TACC1: variants seen among roughly 807,000 people sequenced by gnomAD.
TACC1 encodes transforming acidic coiled-coil-containing protein 1.
Under a neutral mutation model 84.4 loss-of-function variants are expected in TACC1, and 48 were observed. The observed-to-expected ratio is 0.57, with a 90% CI of 0.45 to 0.72. The LOEUF is 0.72. Ranked by LOEUF, TACC1 falls within the 30% of genes least tolerant of loss-of-function variation. The pLI, the probability that TACC1 is intolerant of heterozygous loss-of-function variation, is 0.00. For synonymous variants in TACC1, 372 were observed against 376.3 expected (o/e 0.99, Z 0.13); for missense variants, 920 against 973.0 (o/e 0.95, Z 0.72).
rs1817873338 is a variant in TACC1, at chr8:38,788,562, G to A, written c.162-142G>A. The A allele has an allele frequency of 1.1e-5, 7 of 624,778 alleles. No homozygotes were observed. In the East Asian group the frequency reaches 1.7e-4, roughly 16 times the overall value. 38.7% of individuals were successfully genotyped at this position (624,778 alleles called of 1,614,324 possible). A position where few individuals can be genotyped will look rare whatever the true frequency, so the allele number is the denominator to read the frequency against. ...TGCTCAGAGACCGCAGTTGCCTCCCGCAGGTCAGACCCTGCTGAGGACCGG... is the reference window on the plus strand; with the variant it reads ...TGCTCAGAGACCGCAGTTGCCTCCCACAGGTCAGACCCTGCTGAGGACCGG... On this transcript the variant is annotated intron_variant, in intron 1 of 12. Transcript: ENST00000317827.
At chr8:38,790,964 C>A (rs554447390) in intron 2 of TACC1, among the ~76,000 whole-genome samples, 4 of 152,122 alleles carry the variant, frequency 2.6e-5, no homozygotes, top group African/African-American at 9.7e-5. Context: ...CCTTTTCTTC[C>A]GTAAAGATTG....
chr8:38,797,813 C>G (rs1388827235), intron 2 of TACC1, among the ~76,000 whole-genome samples: 1 of 152,216 alleles, frequency 6.6e-6, no homozygotes, highest in Admixed American at 6.5e-5. Flanking sequence ...CGTGCTCTTT[C>G]CCCCCTTGCT....
At chr8:38,832,369 G>A (rs1008801132) in intron 6 of TACC1, among the ~76,000 whole-genome samples, 2 of 152,216 alleles carry the variant, frequency 1.3e-5, no homozygotes, top group African/African-American at 4.8e-5. Context: ...GGCAAACACT[G>A]TCTCTGAAGC....
intron 7 of TACC1, among the ~76,000 whole-genome samples, chr8:38,836,616 A>G (rs1322265761): frequency 1.3e-5 from 2 of 152,208 alleles, no homozygotes; most frequent in African/African-American, 4.8e-5. Context: ...TACAGAGGAT[A>G]TATGCTAATG....
chr8:38,782,370 AT>A (rs1326012974), upstream of TACC1, among the ~76,000 whole-genome samples: 1 of 152,104 alleles, frequency 6.6e-6, no homozygotes, highest in Non-Finnish European at 1.5e-5. Context: ...TTATGGCTGC[AT>A]AGTATTCCAT....
chr8:38,786,376 C>T (rs949432749), upstream of TACC1, among the ~76,000 whole-genome samples: 11 of 152,096 alleles, frequency 7.2e-5, no homozygotes, highest in Admixed American at 7.2e-4. Flanking sequence ...AGTCAGAAAT[C>T]AAAGACTTAG....
At chr8:38,808,793 A>G (rs1021018322) in intron 2 of TACC1, among the ~76,000 whole-genome samples, 1 of 152,120 alleles carries the variant, frequency 6.6e-6, no homozygotes, top group African/African-American at 2.4e-5. Flanking sequence ...TGCAAATAGA[A>G]TCTTACCCAA....
Position 38,787,612 on chromosome 8 carries a change from C to T in TACC1, c.30C>T (p.Ser10=), listed in dbSNP as rs1160851576. MAFSPWQIL[S]PVQWAKWTWS... ...CGTTCAGCCCGTGGCAGATCCTGTC[C>T]CCCGTGCAGTGGGCGAAATGGACGT... Residue 10 remains serine (S), a synonymous_variant, in exon 1 of 13, where the codon TCC becomes TCT. Coordinates refer to ENST00000317827, the MANE Select transcript of TACC1 (RefSeq NM_006283.3). 2 of 1,545,646 alleles carry T rather than the reference C, an allele frequency of 1.3e-6. No homozygotes were observed. The highest frequency in any genetic ancestry group is 1.7e-6 in the Non-Finnish European group (2 of 1,144,360).
At chr8:38,829,755 G>A (rs1471796470) in intron 5 of TACC1, among the ~76,000 whole-genome samples, 2 of 152,168 alleles carry the variant, frequency 1.3e-5, no homozygotes, top group Non-Finnish European at 2.9e-5. Context: ...ATACAGTGCT[G>A]TCTTCAAAGT....
At chr8:38,753,400 A>G (rs1809393776) in intron 3 of TACC1, among the ~76,000 whole-genome samples, 1 of 152,160 alleles carries the variant, frequency 6.6e-6, no homozygotes. Context: ...CACCATGTCC[A>G]GCCTTTTGTT....
intron 3 of TACC1, among the ~76,000 whole-genome samples, chr8:38,781,384 CT>C (rs34962713): frequency 0.22 from 31,146 of 141,768 alleles, 3,523 homozygotes; most frequent in Non-Finnish European, 0.28. Context: ...AAATATTCTT[CT>C]TTTTTTTTTT....
intron 3 of TACC1, among the ~76,000 whole-genome samples, chr8:38,770,902 C>T (rs1813482878): frequency 6.6e-6 from 1 of 152,038 alleles, no homozygotes; most frequent in African/African-American, 2.4e-5. Context: ...CCAGGAGCCG[C>T]GGAACCAGGC....
chr8:38,755,753 AG>A (rs889325164), intron 3 of TACC1, among the ~76,000 whole-genome samples: 1 of 82,710 alleles, frequency 1.2e-5, no homozygotes, highest in Admixed American at 1.0e-4. Context: ...CAACAACAAC[AG>A]AGTGTTCCTG....
chr8:38,823,254 A>T (rs1827273996), intron 3 of TACC1, among the ~76,000 whole-genome samples: 1 of 152,216 alleles, frequency 6.6e-6, no homozygotes, highest in Non-Finnish European at 1.5e-5. Flanking sequence ...GTAGCTCTCG[A>T]TCTGTTCTTT....
In TACC1 at chr8:38,830,368, G is replaced by A. The variant is rs180951887; in HGVS notation, c.1661-757G>A. ...CAACTCACTGCAACCTCCAGCTCCC[G>A]GGTTCAAGCGATTCTCCTGCTTCAG... On this transcript the variant is annotated intron_variant, in intron 5 of 12. Coordinates refer to ENST00000317827, the MANE Select transcript of TACC1 (RefSeq NM_006283.3). Among the ~76,000 whole-genome samples, 209 of 152,254 alleles carry A rather than the reference G, an allele frequency of 1.4e-3. 2 individuals carry two copies. The highest frequency in any genetic ancestry group is 4.3e-4 in the Non-Finnish European group (29 of 68,012).
chr8:38,765,396 CT>C (rs1221964617), intron 3 of TACC1, among the ~76,000 whole-genome samples: 1 of 152,154 alleles, frequency 6.6e-6, no homozygotes, highest in Non-Finnish European at 1.5e-5. Flanking sequence ...CCAAGAAAGC[CT>C]TGAGTCTCAT....
chr8:38,811,240 T>A (rs1314508163), intron 2 of TACC1, among the ~76,000 whole-genome samples: 1 of 19,306 alleles, frequency 5.2e-5, no homozygotes, highest in Non-Finnish European at 9.2e-5. Flanking sequence ...GCTAAACCCA[T>A]GGCCCCACTC....
chr8:38,830,051 A>C (rs922001662), intron 5 of TACC1, among the ~76,000 whole-genome samples: 1 of 152,224 alleles, frequency 6.6e-6, no homozygotes, highest in African/African-American at 2.4e-5. Context: ...GTGGGAAACA[A>C]GGTCATACCG....
intron 3 of TACC1, among the ~76,000 whole-genome samples, chr8:38,758,545 G>T (rs548175615): frequency 1.3e-5 from 2 of 151,866 alleles, no homozygotes; most frequent in South Asian, 2.1e-4. Context: ...CTAGCATGGC[G>T]GTGCGAGCCT....
Sources: allele counts gnomAD v4.1 joint callset (sites outside exome capture counted in the v4.1 genomes callset), GRCh38; gene constraint gnomAD v4.1.1; transcripts MANE v1.5; gene names NCBI Gene and HGNC (gene_info 2026-07-23, HGNC 2026-07-21).